The following SECISBP2 variants were observed in gnomAD, a reference collection of about 807,000 sequenced individuals.
SECISBP2 encodes the protein selenocysteine insertion sequence-binding protein 2.
Under a neutral mutation model 98.2 loss-of-function variants are expected in SECISBP2, and 96 were observed. The ratio of observed to expected loss-of-function variants is 0.98; its 90% CI spans 0.83 to 1.16. The LOEUF (loss-of-function observed/expected upper bound fraction) is 1.16. SECISBP2 is among the 50% of genes most tolerant of loss of function. The pLI, the probability that SECISBP2 is intolerant of heterozygous loss-of-function variation, is 0.00. For synonymous variants in SECISBP2, 407 were observed against 370.2 expected (o/e 1.10, Z -1.14); for missense variants, 1,046 against 1,022.9 (o/e 1.02, Z -0.31).
downstream of SECISBP2, chr9:89,363,857 G>GC: frequency 6.2e-7 from 1 of 1,614,084 alleles, no homozygotes; most frequent in Middle Eastern, 1.6e-4. Context: ...GAGTGCATGG[G>GC]CCCTGCCATC....
chr9:89,338,611 G>T, intron 8 of SECISBP2, 31 bp downstream of exon 8: 1 of 1,604,472 alleles, frequency 6.2e-7, no homozygotes, highest in South Asian at 1.1e-5. Context: ...CACATGGTGT[G>T]ATATAATAAG....
intron 7 of SECISBP2, among the ~76,000 whole-genome samples, chr9:89,335,486 C>T (rs1479044403): frequency 1.3e-5 from 2 of 152,028 alleles, no homozygotes; most frequent in Admixed American, 6.5e-5. Context: ...GTGCCTGCCA[C>T]CATGCCTGGC....
rs59799418 is a variant in SECISBP2, at chr9:89,336,081, C to CTTT, written c.1089+1376_1089+1378dup. Among the ~76,000 whole-genome samples, 136 of 33,056 alleles carry CTTT rather than the reference C, an allele frequency of 4.1e-3. 25 individuals carry two copies. Among genetic ancestry groups the CTTT allele is most frequent in the African/African-American group, 0.015 (125 of 8,358 alleles). The allele number at this position is 33,056 out of a possible 152,430, so 21.7% of individuals were successfully genotyped here. On this transcript the variant is annotated intron_variant, in intron 7 of 16. Coordinates refer to ENST00000375807, the MANE Select transcript of SECISBP2 (RefSeq NM_024077.5). ...TTTTTCCCTTAAGTAATTTTAAGTG[C>CTTT]TTTTTTTTTTTTTTTTTTTTTTTTT...
chr9:89,336,392 T>TA (rs1444435598), intron 7 of SECISBP2, among the ~76,000 whole-genome samples: 2 of 152,084 alleles, frequency 1.3e-5, no homozygotes, highest in East Asian at 1.9e-4. Context: ...CTTTTTTTTT[T>TA]ATTGGTCTAA....
intron 13 of SECISBP2, 99 bp from the exon 14 acceptor site, chr9:89,350,533 C>G: frequency 9.6e-7 from 1 of 1,036,542 alleles, no homozygotes; most frequent in South Asian, 1.3e-5. Context: ...GACTTTTTGT[C>G]TGATGCAGTC....
intron 14 of SECISBP2, 104 bp downstream of exon 14, chr9:89,350,956 C>A: frequency 1.1e-6 from 1 of 930,290 alleles, no homozygotes; most frequent in Non-Finnish European, 1.7e-6. Context: ...CAGGTCTTGA[C>A]AACTCGTTTT....
chr9:89,321,424 T>C (rs1266727300), intron 2 of SECISBP2, among the ~76,000 whole-genome samples: 1 of 151,942 alleles, frequency 6.6e-6, no homozygotes, highest in African/African-American at 2.4e-5. Context: ...CCCAGCACTT[T>C]GGGAGGCCAA....
At chr9:89,348,575 T>C (rs903929015) in intron 12 of SECISBP2, among the ~76,000 whole-genome samples, 1 of 152,210 alleles carries the variant, frequency 6.6e-6, no homozygotes, top group African/African-American at 2.4e-5. Flanking sequence ...GTGAACACAA[T>C]TGTGTGTTTT....
In SECISBP2 at chr9:89,358,231, T is replaced by G. The variant is rs780861379; in HGVS notation, c.2461+40T>G. The G allele has an allele frequency of 1.9e-6, 3 of 1,576,678 alleles. No homozygotes were observed. In the South Asian group the frequency reaches 3.4e-5, roughly 18 times the overall value. ...GAGAGTTGTGTCAGGTCGAGTGTCCTCTTATTTACTGACTTTAATTAGGAG... is the reference window on the plus strand; with the variant it reads ...GAGAGTTGTGTCAGGTCGAGTGTCCGCTTATTTACTGACTTTAATTAGGAG... On this transcript the variant is annotated intron_variant, in intron 16 of 16. Transcript: ENST00000375807.
rs758431590 is a variant in SECISBP2 at position 89,338,585 on chromosome 9, A to G, written c.1212+5A>G. On this transcript the variant is annotated splice_donor_5th_base_variant and intron_variant, in intron 8 of 16. Transcript: ENST00000375807. ...CAAGAGCCTCCAAGGATTGAAGTAC[A>G]TTTATATTTTTTATTCACATGGTGT... 1 of 1,611,088 alleles carries G rather than the reference A, an allele frequency of 6.2e-7. No individual in the cohort carries two copies. The highest frequency in any genetic ancestry group is 8.5e-7 in the Non-Finnish European group (1 of 1,179,268).
intron 4 of SECISBP2, 49 bp downstream of exon 4, chr9:89,326,087 C>G (rs1414243147): frequency 6.3e-7 from 1 of 1,595,504 alleles, no homozygotes; most frequent in African/African-American, 1.3e-5. Flanking sequence ...TCCTTGTGCC[C>G]CAGAAACATT....
At chr9:89,325,329 CAG>C in intron 2 of SECISBP2, 96 bp from the exon 3 acceptor site, 1 of 1,173,748 alleles carries the variant, frequency 8.5e-7, no homozygotes, top group Non-Finnish European at 1.2e-6. Context: ...TGAATGGTCT[CAG>C]AAATATTAAA....
At chr9:89,366,099 A>AG in the SECISBP2 span, among the ~76,000 whole-genome samples, 1 of 152,200 alleles carries the variant, frequency 6.6e-6, no homozygotes, top group Admixed American at 6.5e-5. Flanking sequence ...ATGTCCAAGA[A>AG]GGGGGCCACA....
At chr9:89,354,630 G>A (rs1831787221) in intron 14 of SECISBP2, among the ~76,000 whole-genome samples, 1 of 152,214 alleles carries the variant, frequency 6.6e-6, no homozygotes, top group Non-Finnish European at 1.5e-5. Flanking sequence ...TAGAGGCACA[G>A]TGAGTTACTC....
chr9:89,358,245 T>TTTAATTAA, intron 16 of SECISBP2, 54 bp downstream of exon 16: 6 of 1,545,156 alleles, frequency 3.9e-6, no homozygotes, highest in Non-Finnish European at 5.3e-6. Context: ...ATTTACTGAC[T>TTTAATTAA]TTAATTAGGA....
At chr9:89,341,555 T>A (rs1292207636) in intron 10 of SECISBP2, 76 bp downstream of exon 10, 1 of 1,565,158 alleles carries the variant, frequency 6.4e-7, no homozygotes, top group Admixed American at 1.7e-5. Flanking sequence ...CATTTTCTCT[T>A]GTTATCAAAA....
chr9:89,358,774 G>C lies in SECISBP2; in HGVS notation c.2515G>C (p.Glu839Gln), dbSNP rs1832496670. 2 of 1,614,048 alleles carry C rather than the reference G, an allele frequency of 1.2e-6. No individual in the cohort carries two copies. Among genetic ancestry groups the C allele is most frequent in the East Asian group, 4.5e-5 (2 of 44,888 alleles). Reference sequence around the variant, plus strand: ...ATACAGTGGATGTACCCTGGAGCTAGAAGAATCCTTGGAGGCTTCAACCTC... The same window carrying C: ...ATACAGTGGATGTACCCTGGAGCTACAAGAATCCTTGGAGGCTTCAACCTC... ...EAYSGCTLEL[E>Q]ESLEASTSQM... Residue 839 changes from glutamate (E) to glutamine (Q), a missense_variant, in exon 17 of 17, where the codon GAA becomes CAA. Coordinates refer to ENST00000375807, the MANE Select transcript of SECISBP2 (RefSeq NM_024077.5).
At chr9:89,350,876 GA>G in intron 14 of SECISBP2, 24 bp downstream of exon 14, 4 of 1,598,286 alleles carry the variant, frequency 2.5e-6, no homozygotes, top group Non-Finnish European at 3.4e-6. Flanking sequence ...GTGGTCCTGT[GA>G]TATGTGGGCC....
chr9:89,347,462 A>ATTCTTT (rs1830583146), intron 11 of SECISBP2, among the ~76,000 whole-genome samples: 1 of 132,284 alleles, frequency 7.6e-6, no homozygotes, highest in Admixed American at 7.8e-5. Flanking sequence ...CCTCCGGTGA[A>ATTCTTT]TTCTTTTTTT....
Sources: gnomAD v4.1 joint callset for allele counts (sites outside exome capture counted in the v4.1 genomes callset) on GRCh38, gnomAD v4.1.1 for gene constraint, MANE v1.5 for transcripts, NCBI Gene and HGNC (gene_info 2026-07-23, HGNC 2026-07-21) for gene names.